The following RIMS1 variants were observed in gnomAD, a reference collection of about 807,000 sequenced individuals.
The protein encoded by RIMS1 is regulating synaptic membrane exocytosis 1, also known as regulating synaptic membrane exocytosis protein 1.
Under a neutral mutation model 214.1 loss-of-function variants are expected in RIMS1, and 83 were observed. That is an observed-to-expected ratio of 0.39 (90% CI 0.32 to 0.47). The LOEUF (loss-of-function observed/expected upper bound fraction) is 0.47. Among genes scored for constraint, RIMS1 ranks in the 20% least tolerant of loss-of-function variants. RIMS1 has a pLI of 0.99. For missense variants in RIMS1, 2,050 were observed against 2,161.8 expected, an observed-to-expected ratio of 0.95 and a Z score of 1.03; for synonymous variants, 793 against 786.8, an observed-to-expected ratio of 1.01 and a Z score of -0.13.
At chr6:72,291,339 G>A (rs527874707) in intron 25 of RIMS1, among the ~76,000 whole-genome samples, 4 of 152,164 alleles carry the variant, frequency 2.6e-5, no homozygotes, top group African/African-American at 7.2e-5. Flanking sequence ...GTAATATATC[G>A]GCACACTTCT....
intron 2 of RIMS1, among the ~76,000 whole-genome samples, chr6:72,094,813 T>C (rs866759006): frequency 3.3e-5 from 5 of 152,160 alleles, no homozygotes; most frequent in Non-Finnish European, 7.3e-5. Flanking sequence ...CCTAGTTTTC[T>C]CCTTCTCATT....
intron 2 of RIMS1, among the ~76,000 whole-genome samples, chr6:72,018,405 T>A (rs904567493): frequency 2.6e-5 from 4 of 152,064 alleles, no homozygotes; most frequent in Admixed American, 1.3e-4. Context: ...TGTGTGTGTG[T>A]GTTGGTAGGG....
intron 4 of RIMS1, among the ~76,000 whole-genome samples, chr6:72,135,116 A>G (rs2041070126): frequency 6.6e-6 from 1 of 152,172 alleles, no homozygotes; most frequent in Non-Finnish European, 1.5e-5. Context: ...AACAAGGAGA[A>G]TTCAGAACAA....
Position 72,250,315 on chromosome 6 carries a change from C to T in RIMS1, c.2242-15C>T, listed in dbSNP as rs779886279. On this transcript the variant is annotated splice_polypyrimidine_tract_variant and intron_variant, in intron 12 of 33. Coordinates refer to ENST00000521978, the MANE Select transcript of RIMS1 (RefSeq NM_014989.7). ...CATGATTTTTACAAATAATTCCTTT[C>T]CTCATTGCTCCTAGGTGAAGTTGTG... 23 of 1,590,930 alleles carry T rather than the reference C, an allele frequency of 1.4e-5. No individual in the cohort carries two copies. The East Asian group carries it at 4.1e-4, about 28-fold the overall frequency.
chr6:71,897,438 C>T (rs963650496), intron 1 of RIMS1, among the ~76,000 whole-genome samples: 4 of 152,060 alleles, frequency 2.6e-5, no homozygotes, highest in African/African-American at 4.8e-5. Flanking sequence ...TTCTTTGGTC[C>T]GTGAATACAT....
At chr6:71,967,146 T>G (rs1291195904) in intron 1 of RIMS1, among the ~76,000 whole-genome samples, 1 of 152,138 alleles carries the variant, frequency 6.6e-6, no homozygotes, top group Non-Finnish European at 1.5e-5. Flanking sequence ...CCCAGCACTT[T>G]GGGAGGCCAA....
chr6:72,306,085 A>T (rs1248768937), intron 26 of RIMS1, among the ~76,000 whole-genome samples: 2 of 152,144 alleles, frequency 1.3e-5, no homozygotes, highest in African/African-American at 4.8e-5. Context: ...TGGAAAAAAA[A>T]TTGTCAGCAA....
At chr6:72,314,822 G>A (rs558629805) in intron 28 of RIMS1, among the ~76,000 whole-genome samples, 1 of 152,194 alleles carries the variant, frequency 6.6e-6, no homozygotes, top group African/African-American at 2.4e-5. Context: ...TAAATAGGAT[G>A]TAACCAAGGA....
At chr6:72,108,874 T>C (rs1240156762) in intron 4 of RIMS1, among the ~76,000 whole-genome samples, 2 of 110,120 alleles carry the variant, frequency 1.8e-5, no homozygotes, top group Non-Finnish European at 3.4e-5. Flanking sequence ...CCACAGTCCC[T>C]AGAGTGTGAT....
chr6:72,190,691 A>G (rs1365752812), intron 6 of RIMS1, among the ~76,000 whole-genome samples: 1 of 152,066 alleles, frequency 6.6e-6, no homozygotes, highest in African/African-American at 2.4e-5. Flanking sequence ...GATGATGGGC[A>G]TTTGAGCCAC....
intron 2 of RIMS1, among the ~76,000 whole-genome samples, chr6:72,083,765 A>G (rs1441832747): frequency 2.6e-5 from 4 of 152,136 alleles, no homozygotes; most frequent in African/African-American, 7.2e-5. Context: ...CCTCCCAATA[A>G]TCTTACAAAG....
chr6:72,184,771 A>AG (rs146166472), intron 6 of RIMS1, among the ~76,000 whole-genome samples: 32,582 of 152,048 alleles, frequency 0.21, 3,773 homozygotes, highest in Non-Finnish European at 0.26. Flanking sequence ...GGGAAAAAAA[A>AG]AAAAGTGCCA....
At chr6:72,199,662 G>A (rs1447215068) in intron 6 of RIMS1, among the ~76,000 whole-genome samples, 5 of 152,014 alleles carry the variant, frequency 3.3e-5, no homozygotes, top group Admixed American at 1.3e-4. Context: ...AAAAGATTGT[G>A]TTCAGATTTT....
intron 1 of RIMS1, among the ~76,000 whole-genome samples, chr6:71,927,359 A>C (rs1195314438): frequency 2.6e-5 from 4 of 152,168 alleles, no homozygotes; most frequent in Non-Finnish European, 5.9e-5. Flanking sequence ...GGTTTGTAAA[A>C]TTATTACAGT....
chr6:72,036,719 A>G (rs555642492), intron 2 of RIMS1, among the ~76,000 whole-genome samples: 1 of 152,346 alleles, frequency 6.6e-6, no homozygotes, highest in South Asian at 2.1e-4. Context: ...AGTTGTTTAA[A>G]GAATGGAGTA....
intron 2 of RIMS1, among the ~76,000 whole-genome samples, chr6:72,007,650 C>T (rs1808335559): frequency 6.6e-6 from 1 of 152,160 alleles, no homozygotes; most frequent in Non-Finnish European, 1.5e-5. Context: ...GAGCTGAAAA[C>T]CATGGCATGA....
At chr6:72,245,919 T>C in intron 11 of RIMS1, 58 bp downstream of exon 11, 1 of 1,218,186 alleles carries the variant, frequency 8.2e-7, no homozygotes, top group Non-Finnish European at 1.2e-6. Flanking sequence ...AAGTAAAGAT[T>C]TCTAATTTTC....
At chr6:72,177,514 A>G (rs1036697266) in intron 4 of RIMS1, among the ~76,000 whole-genome samples, 20 of 152,152 alleles carry the variant, frequency 1.3e-4, no homozygotes, top group African/African-American at 4.3e-4. Context: ...AGCCTCCCAA[A>G]GTGCTGGGAT....
At chr6:72,395,730 T>A (rs2098766569) in intron 31 of RIMS1, among the ~76,000 whole-genome samples, 1 of 151,972 alleles carries the variant, frequency 6.6e-6, no homozygotes, top group Non-Finnish European at 1.5e-5. Context: ...GAAAATATAA[T>A]GGTTGAGTGA....
Sources: gnomAD v4.1 joint callset for allele counts (sites outside exome capture counted in the v4.1 genomes callset) on GRCh38, gnomAD v4.1.1 for gene constraint, MANE v1.5 for transcripts, NCBI Gene and HGNC (gene_info 2026-07-23, HGNC 2026-07-21) for gene names.